GALNT18: variants seen among roughly 807,000 people sequenced by gnomAD.
GALNT18 encodes the protein polypeptide N-acetylgalactosaminyltransferase 18.
In GALNT18, 44 loss-of-function variants were observed where a neutral mutation model predicts 69.5. That is an observed-to-expected ratio of 0.63 (90% CI 0.50 to 0.81). The LOEUF (loss-of-function observed/expected upper bound fraction) is 0.81. Among genes scored for constraint, GALNT18 ranks in the 40% least tolerant of loss-of-function variants. The pLI, the probability that GALNT18 is intolerant of heterozygous loss-of-function variation, is 0.00. For missense variants in GALNT18, 715 were observed against 810.0 expected (o/e 0.88, Z 1.42); for synonymous variants, 364 against 318.2 (o/e 1.14, Z -1.53).
intron 3 of GALNT18, among the ~76,000 whole-genome samples, chr11:11,416,932 C>T (rs1287988258): frequency 6.6e-6 from 1 of 152,248 alleles, no homozygotes. Flanking sequence ...CAGAGTCCTG[C>T]TGAGATGAGC....
intron 1 of GALNT18, among the ~76,000 whole-genome samples, chr11:11,589,726 C>A (rs1025746460): frequency 6.6e-6 from 1 of 152,200 alleles, no homozygotes; most frequent in Non-Finnish European, 1.5e-5. Flanking sequence ...AGCCACTGAG[C>A]ACCACATAAG....
intron 9 of GALNT18, among the ~76,000 whole-genome samples, chr11:11,307,625 G>A (rs1286429215): frequency 2.0e-5 from 3 of 152,172 alleles, no homozygotes; most frequent in Admixed American, 2.0e-4. Context: ...GAAAGGTTCT[G>A]ATGCTACCCC....
chr11:11,335,677 G>C (rs1850099007), intron 7 of GALNT18, among the ~76,000 whole-genome samples: 1 of 152,156 alleles, frequency 6.6e-6, no homozygotes, highest in Non-Finnish European at 1.5e-5. Context: ...AATTATGACT[G>C]TATGTGACTA....
chr11:11,517,959 C>G (rs1857318302), intron 1 of GALNT18, among the ~76,000 whole-genome samples: 1 of 152,210 alleles, frequency 6.6e-6, no homozygotes, highest in South Asian at 2.1e-4. Context: ...TGTAAGTCAT[C>G]CTGGGAAAAG....
In GALNT18 at chr11:11,413,547, G is replaced by A. The variant is rs149687215; in HGVS notation, c.595+19074C>T. On this transcript the variant is annotated intron_variant, in intron 3 of 10. Coordinates refer to ENST00000227756, the MANE Select transcript of GALNT18 (RefSeq NM_198516.3). This position sits in a 1 kb window ranked among gnomAD's most constrained non-coding sequence, Gnocchi z 4.7. ...TATATAATTTGGTGCTTAATGCACC[G>A]TACCACTAGCCCAGAACAATTGAAG... is the stretch of plus-strand genomic sequence containing the variant. Among the ~76,000 whole-genome samples the A allele has an allele frequency of 1.8e-3, 274 of 152,262 alleles. No individual in the cohort carries two copies. The highest frequency in any genetic ancestry group is 6.8e-3 in the Middle Eastern group (2 of 294).
Position 11,465,708 on chromosome 11 carries a change from C to A in GALNT18, c.236-16772G>T, listed in dbSNP as rs927643534. Among the ~76,000 whole-genome samples the A allele has an allele frequency of 2.6e-5, 4 of 152,138 alleles. No individual in the cohort carries two copies. The highest frequency in any genetic ancestry group is 1.3e-4 in the Admixed American group (2 of 15,280). The stretch of plus-strand genomic sequence containing the variant: ...TGTATAAGACATACCACGGTTAGCT[C>A]CTGGACCATGGACCTGGGCAAGGTC... On this transcript the variant is annotated intron_variant, in intron 1 of 10. Coordinates refer to ENST00000227756, the MANE Select transcript of GALNT18 (RefSeq NM_198516.3). This position sits in a 1 kb window ranked among gnomAD's most constrained non-coding sequence, Gnocchi z 5.7.
At chr11:11,453,688 C>T (rs1855858361) in intron 1 of GALNT18, among the ~76,000 whole-genome samples, 1 of 152,072 alleles carries the variant, frequency 6.6e-6, no homozygotes, top group African/African-American at 2.4e-5. Flanking sequence ...AGTGAATAAC[C>T]CTCAAGAGAT....
chr11:11,374,701 G>A (rs1286555449), intron 5 of GALNT18, among the ~76,000 whole-genome samples: 2 of 152,222 alleles, frequency 1.3e-5, no homozygotes, highest in African/African-American at 2.4e-5. Flanking sequence ...AAGAGTTATC[G>A]ATTTACACCT....
chr11:11,620,515 A>G lies in GALNT18; in HGVS notation c.235+844T>C, dbSNP rs1388967291. ...AGCGTAACCTTACACTTCAGACCCA[A>G]CCCAGGTCTGCTCAGCCCCGGCTGC... On this transcript the variant is annotated intron_variant, in intron 1 of 10. Transcript: ENST00000227756. The surrounding 1 kb of genome is among the most constrained non-coding windows in gnomAD (Gnocchi z 6.9). 1.3e-5 allele frequency among the ~76,000 whole-genome samples: 2 copies of G among 151,836 alleles called. No homozygotes were observed. Among genetic ancestry groups the G allele is most frequent in the East Asian group, 1.9e-4 (1 of 5,132 alleles).
At chr11:11,548,848 T>C (rs1192333196) in intron 1 of GALNT18, among the ~76,000 whole-genome samples, 1 of 152,238 alleles carries the variant, frequency 6.6e-6, no homozygotes, top group African/African-American at 2.4e-5. Context: ...TCTTTGCTAA[T>C]CACAATAGAT....
intron 1 of GALNT18, among the ~76,000 whole-genome samples, chr11:11,567,556 T>C (rs1294960387): frequency 6.6e-6 from 1 of 152,200 alleles, no homozygotes; most frequent in Non-Finnish European, 1.5e-5. Flanking sequence ...CTGAAAAGCA[T>C]AGTCTTAAAG....
intron 3 of GALNT18, among the ~76,000 whole-genome samples, chr11:11,398,161 T>C (rs1030807488): frequency 1.3e-5 from 2 of 152,254 alleles, no homozygotes; most frequent in Non-Finnish European, 2.9e-5. Context: ...TGTTCAAGAT[T>C]GCACACTTAA....
chr11:11,445,611 G>A (rs562065690), intron 2 of GALNT18, among the ~76,000 whole-genome samples: 50 of 152,334 alleles, frequency 3.3e-4, no homozygotes, highest in East Asian at 1.4e-3. Context: ...TTGGGCGTGC[G>A]TCTGGCACGT....
In GALNT18 at chr11:11,444,365, G is replaced by A. The variant is rs755981707; in HGVS notation, c.428+4379C>T. On this transcript the variant is annotated intron_variant, in intron 2 of 10. Coordinates refer to ENST00000227756, the MANE Select transcript of GALNT18 (RefSeq NM_198516.3). The surrounding 1 kb of genome is among the most constrained non-coding windows in gnomAD (Gnocchi z 4.4). The stretch of plus-strand genomic sequence containing the variant: ...TGCGAGGACAAGTCCTCCCCGCCAC[G>A]GAGCCTGGGAAATGGTCAGCAGACT... 5.3e-5 allele frequency among the ~76,000 whole-genome samples: 8 copies of A among 152,318 alleles called. No individual in the cohort carries two copies. The East Asian group carries it at 1.2e-3, about 22-fold the overall frequency.
chr11:11,405,673 C>T (rs36107074), intron 3 of GALNT18, among the ~76,000 whole-genome samples: 34,262 of 152,126 alleles, frequency 0.23, 3,979 homozygotes, highest in Middle Eastern at 0.32. Flanking sequence ...CAAGTGGGGG[C>T]CCTCTGAGGG....
At chr11:11,379,369 G>A in intron 3 of GALNT18, 105 bp from the exon 4 acceptor site, 1 of 1,153,682 alleles carries the variant, frequency 8.7e-7, no homozygotes, top group Non-Finnish European at 1.2e-6. Context: ...GAAAGGCTGG[G>A]GGACCCATTC....
intron 9 of GALNT18, among the ~76,000 whole-genome samples, chr11:11,319,264 C>A (rs1191820887): frequency 6.6e-6 from 1 of 152,220 alleles, no homozygotes; most frequent in Non-Finnish European, 1.5e-5. Context: ...AAATCCAAGT[C>A]ATGAAGCTCA....
Position 11,606,112 on chromosome 11 carries a change from T to C in GALNT18, c.235+15247A>G, listed in dbSNP as rs1859748552. Among the ~76,000 whole-genome samples, 1 of 152,194 alleles carries C rather than the reference T, an allele frequency of 6.6e-6. No individual in the cohort carries two copies. The highest frequency in any genetic ancestry group is 2.1e-4 in the South Asian group (1 of 4,822). ...AGCTCTTCTGTCCCTGGGCTTCCCT[T>C]CCAGGCAGTCTTAAAGCCAGAGGTC... On this transcript the variant is annotated intron_variant, in intron 1 of 10. Transcript: ENST00000227756. This position sits in a 1 kb window ranked among gnomAD's most constrained non-coding sequence, Gnocchi z 5.4.
intron 9 of GALNT18, among the ~76,000 whole-genome samples, chr11:11,298,530 G>T (rs1014939386): frequency 1.3e-5 from 2 of 152,154 alleles, no homozygotes; most frequent in Non-Finnish European, 2.9e-5. Flanking sequence ...CACTGCCTCC[G>T]CCCAGTCCCG....
Sources: gnomAD v4.1 joint callset for allele counts (sites outside exome capture counted in the v4.1 genomes callset) on GRCh38, gnomAD v4.1.1 for gene constraint, Gnocchi (gnomAD v3.1) non-coding constraint, MANE v1.5 for transcripts, NCBI Gene and HGNC (gene_info 2026-07-23, HGNC 2026-07-21) for gene names.